The following ANKRD36C variants were observed in gnomAD, a reference collection of about 807,000 sequenced individuals.
ANKRD36C encodes the protein ankyrin repeat domain-containing protein 36C.
ANKRD36C carries 61 observed loss-of-function variants against 276.4 expected under a neutral mutation model. That is an observed-to-expected ratio of 0.22 (90% CI 0.18 to 0.27). The LOEUF is 0.27. ANKRD36C is among the 10% of genes least tolerant of loss of function. ANKRD36C has a pLI of 1.00. For synonymous variants in ANKRD36C, 483 were observed against 680.1 expected (o/e 0.71, Z 4.51); for missense variants, 1,447 against 2,032.3 (o/e 0.71, Z 5.54).
intron 42 of ANKRD36C, among the ~76,000 whole-genome samples, chr2:95,911,509 C>A (rs528432457): frequency 1.3e-5 from 2 of 151,122 alleles, no homozygotes; most frequent in Non-Finnish European, 3.0e-5. Context: ...AGGAAGCCAA[C>A]GTAGTCATAT....
chr2:95,933,737 T>C (rs899085252), intron 24 of ANKRD36C, among the ~76,000 whole-genome samples: 17 of 152,284 alleles, frequency 1.1e-4, no homozygotes, highest in Admixed American at 1.1e-3. Context: ...TTTGACTTCC[T>C]TTCTTCCTAT....
intron 6 of ANKRD36C, among the ~76,000 whole-genome samples, chr2:95,975,866 G>T (rs1321171038): frequency 2.0e-5 from 3 of 152,018 alleles, no homozygotes; most frequent in African/African-American, 7.3e-5. Flanking sequence ...GAAAATTTTT[G>T]CAACTTACTC....
At chr2:95,969,290 T>C (rs903808321) in intron 6 of ANKRD36C, among the ~76,000 whole-genome samples, 11 of 152,144 alleles carry the variant, frequency 7.2e-5, no homozygotes, top group Non-Finnish European at 1.3e-4. Flanking sequence ...ATGTTGGAAA[T>C]TCTGAGGATT....
intron 6 of ANKRD36C, among the ~76,000 whole-genome samples, chr2:95,972,587 C>T (rs1006363848): frequency 2.0e-5 from 3 of 152,148 alleles, no homozygotes; most frequent in African/African-American, 7.2e-5. Flanking sequence ...CTAAGTGAAT[C>T]GCCAAACACA....
At chr2:95,989,905 GA>G (rs900533822) in intron 1 of ANKRD36C, among the ~76,000 whole-genome samples, 1 of 149,594 alleles carries the variant, frequency 6.7e-6, no homozygotes, top group African/African-American at 2.5e-5. Flanking sequence ...TTGAATATCT[GA>G]AAAAAAAATG....
chr2:95,915,820 C>T (rs1226523939), intron 38 of ANKRD36C, among the ~76,000 whole-genome samples, 160 bp downstream of exon 40: 1 of 151,458 alleles, frequency 6.6e-6, no homozygotes, highest in Non-Finnish European at 1.5e-5. Context: ...ATGTTCCAGA[C>T]CAGCAGCAAC....
chr2:95,969,020 T>C (rs986835543), intron 6 of ANKRD36C, among the ~76,000 whole-genome samples: 6 of 152,314 alleles, frequency 3.9e-5, no homozygotes, highest in Non-Finnish European at 5.9e-5. Flanking sequence ...CCTTCATGTA[T>C]TGGAGAGGAT....
In ANKRD36C at chr2:95,923,562, T is replaced by G. The variant is rs761459213; in HGVS notation, c.2076A>C (p.Thr692=). The G allele has an allele frequency of 2.5e-6, 4 of 1,610,520 alleles. No homozygotes were observed. The East Asian group carries it at 6.7e-5, about 27-fold the overall frequency. ...TCAAAGCAGAATCTGTCTTGTCACTTGTAGCCTGAAAGTAATTTGAAGCAA... is the reference window on the plus strand; with the variant it reads ...TCAAAGCAGAATCTGTCTTGTCACTGGTAGCCTGAAAGTAATTTGAAGCAA... The change falls in exon 32 of 67, where the codon ACA becomes ACC. Residue 692 remains threonine, a synonymous_variant. Transcript: ENST00000456556.
downstream of ANKRD36C, chr2:95,851,104 T>C: frequency 2.2e-6 from 3 of 1,341,768 alleles, no homozygotes; most frequent in East Asian, 2.5e-5. Flanking sequence ...TACCGTTCAC[T>C]ACTTAGAGTT....
At chr2:95,875,256 A>G (rs1265595912) in intron 59 of ANKRD36C, among the ~76,000 whole-genome samples, 1 of 152,076 alleles carries the variant, frequency 6.6e-6, no homozygotes, top group African/African-American at 2.4e-5. Flanking sequence ...CACTATTCAC[A>G]ATAGCAAAGA....
At chr2:95,935,777 A>C in intron 22 of ANKRD36C, 133 bp from the exon 23 acceptor site, 2 of 1,288,188 alleles carry the variant, frequency 1.6e-6, no homozygotes, top group South Asian at 1.5e-5. Flanking sequence ...TCTTAACTGA[A>C]GCCAAAAAAT....
At chr2:95,941,478 C>T (rs1677890196) in intron 19 of ANKRD36C, among the ~76,000 whole-genome samples, 1 of 152,184 alleles carries the variant, frequency 6.6e-6, no homozygotes, top group Non-Finnish European at 1.5e-5. Context: ...ACTTGGGAAG[C>T]TTCTGAGACA....
rs142912275 is a variant in ANKRD36C, at chr2:95,979,732, G to C, written c.731+916C>G. ...TTTCTACAACATTATTTGAATATCT[G>C]TGACAGTTTAGAACTATCCCAACTA... On this transcript the variant is annotated intron_variant, in intron 5 of 66. Coordinates refer to ENST00000456556, the Ensembl canonical transcript of ANKRD36C. 1.6e-3 allele frequency among the ~76,000 whole-genome samples: 241 copies of C among 152,016 alleles called. 1 individual carries two copies. Among genetic ancestry groups the C allele is most frequent in the African/African-American group, 5.5e-3 (229 of 41,498 alleles).
At chr2:95,931,661 A>C (rs549369899) in intron 24 of ANKRD36C, among the ~76,000 whole-genome samples, 1,521 of 147,374 alleles carry the variant, frequency 0.01, 9 homozygotes, top group Non-Finnish European at 0.014. Context: ...ACATGTCAGT[A>C]ATTGACATGA....
intron 46 of ANKRD36C, 72 bp from the exon 67 acceptor site, chr2:95,890,066 T>G: frequency 6.5e-7 from 1 of 1,542,448 alleles, no homozygotes; most frequent in Non-Finnish European, 8.9e-7. Context: ...TCATACAGTG[T>G]TAGCATCAAT....
At position 95,919,379 on chromosome 2, in the gene ANKRD36C, G is replaced by A. The variant is rs1324776618; in HGVS notation, c.2246-1337C>T. On this transcript the variant is annotated intron_variant, in intron 34 of 66. Transcript: ENST00000456556. ...TTCTTAGCAGTACGATGTGACGTCT[G>A]TAAAATCTGTACTTCCTCTCTTTCT... 3.0e-5 allele frequency among the ~76,000 whole-genome samples: 4 copies of A among 133,372 alleles called. 2 individuals are homozygous for A. The highest frequency in any genetic ancestry group is 3.4e-5 in the Non-Finnish European group (2 of 59,520). 87.5% of individuals were successfully genotyped at this position (133,372 alleles called of 152,430 possible).
intron 42 of ANKRD36C, 133 bp from the exon 47 acceptor site, chr2:95,908,830 G>A (rs1193506604): frequency 6.8e-7 from 1 of 1,472,930 alleles, no homozygotes; most frequent in Non-Finnish European, 9.2e-7. Flanking sequence ...TCTACTTTGT[G>A]TCTGGGGACT....
chr2:95,965,320 G>C (rs1198325498), intron 6 of ANKRD36C, among the ~76,000 whole-genome samples: 2 of 151,914 alleles, frequency 1.3e-5, no homozygotes, highest in African/African-American at 4.8e-5. Context: ...TTGACATCCG[G>C]GAACACTCTA....
At chr2:95,887,107 G>A (rs1225149084) in intron 50 of ANKRD36C, among the ~76,000 whole-genome samples, 21 of 151,042 alleles carry the variant, frequency 1.4e-4, no homozygotes, top group African/African-American at 5.1e-4. Flanking sequence ...CTTGTTAGGA[G>A]TATCATGCTA....
Sources: allele counts gnomAD v4.1 joint callset (sites outside exome capture counted in the v4.1 genomes callset), GRCh38; gene constraint gnomAD v4.1.1; transcripts MANE v1.5; gene names NCBI Gene and HGNC (gene_info 2026-07-23, HGNC 2026-07-21).